The following ERC2 variants were observed in gnomAD, a reference collection of about 807,000 sequenced individuals.
The protein encoded by ERC2 is ERC protein 2.
ERC2 carries 42 observed loss-of-function variants against 114.8 expected under a neutral mutation model. That is an observed-to-expected ratio of 0.37 (90% CI 0.29 to 0.47). The LOEUF is 0.47. Ranked by LOEUF, ERC2 falls within the 20% of genes least tolerant of loss-of-function variation. ERC2 has a pLI of 0.99. For synonymous variants in ERC2, 454 were observed against 425.5 expected (o/e 1.07, Z -0.82); for missense variants, 939 against 1,150.7 (o/e 0.82, Z 2.66).
intron 3 of ERC2, among the ~76,000 whole-genome samples, chr3:56,272,778 C>A (rs998729818): frequency 5.9e-5 from 9 of 152,028 alleles, no homozygotes; most frequent in African/African-American, 1.9e-4. Context: ...TAATAAAAAA[C>A]AAAGAAAGAA....
chr3:55,533,817 T>C (rs530705604), intron 17 of ERC2, among the ~76,000 whole-genome samples: 33 of 152,310 alleles, frequency 2.2e-4, no homozygotes, highest in African/African-American at 7.9e-4. Flanking sequence ...TTTTCTCCCT[T>C]CCAGATGCTG....
At chr3:56,364,589 C>T (rs1315061655) in intron 2 of ERC2, among the ~76,000 whole-genome samples, 1 of 152,204 alleles carries the variant, frequency 6.6e-6, no homozygotes, top group Non-Finnish European at 1.5e-5. Context: ...TAACTGCTAA[C>T]AGAGATTACC....
At chr3:55,997,087 C>G (rs1017373388) in intron 10 of ERC2, among the ~76,000 whole-genome samples, 4 of 152,182 alleles carry the variant, frequency 2.6e-5, no homozygotes, top group Non-Finnish European at 4.4e-5. Flanking sequence ...AGGGAACATT[C>G]AATTATTACA....
intron 1 of ERC2, among the ~76,000 whole-genome samples, chr3:56,454,791 A>G (rs1280454272): frequency 1.4e-5 from 2 of 144,292 alleles, no homozygotes; most frequent in Admixed American, 1.4e-4. Context: ...GCAGAGGTTG[A>G]GAGGTTGCAG....
intron 14 of ERC2, among the ~76,000 whole-genome samples, chr3:55,750,810 C>T (rs1015683174): frequency 2.6e-5 from 4 of 152,322 alleles, no homozygotes; most frequent in Non-Finnish European, 5.9e-5. Flanking sequence ...CCAGTGCTGA[C>T]GTTTTCACGC....
chr3:55,844,174 A>G (rs1027031292), intron 14 of ERC2, among the ~76,000 whole-genome samples: 6 of 152,208 alleles, frequency 3.9e-5, no homozygotes, highest in East Asian at 1.9e-4. Context: ...AAGGTTGAAC[A>G]TATGCATTCT....
chr3:55,975,277 T>A (rs1254501572), intron 12 of ERC2, among the ~76,000 whole-genome samples: 1 of 152,194 alleles, frequency 6.6e-6, no homozygotes, highest in Non-Finnish European at 1.5e-5. Context: ...CTGTTCTTAT[T>A]TCTGCTGCAA....
At chr3:55,738,982 C>T (rs1028186653) in intron 14 of ERC2, among the ~76,000 whole-genome samples, 1 of 152,084 alleles carries the variant, frequency 6.6e-6, no homozygotes. Context: ...CATTGTTCAA[C>T]TCCCACCTAT....
intron 14 of ERC2, among the ~76,000 whole-genome samples, chr3:55,746,512 G>A (rs2066317355): frequency 6.6e-6 from 1 of 152,170 alleles, no homozygotes; most frequent in Non-Finnish European, 1.5e-5. Context: ...AAAGTGCTGA[G>A]ATTACAGGCA....
intron 3 of ERC2, among the ~76,000 whole-genome samples, chr3:56,236,427 G>A (rs764525180): frequency 1.3e-5 from 2 of 152,058 alleles, no homozygotes; most frequent in Non-Finnish European, 2.9e-5. Context: ...CATTTCCCTG[G>A]GACAGCAAGT....
chr3:55,596,514 GGTTACA>G (rs1417277967), intron 17 of ERC2, among the ~76,000 whole-genome samples: 1 of 152,186 alleles, frequency 6.6e-6, no homozygotes, highest in Non-Finnish European at 1.5e-5. Flanking sequence ...AGGAGTTCAA[GGTTACA>G]GCGAGCTGTG....
intron 17 of ERC2, among the ~76,000 whole-genome samples, chr3:55,674,152 A>G (rs2061683202): frequency 6.6e-6 from 1 of 152,148 alleles, no homozygotes; most frequent in Non-Finnish European, 1.5e-5. Context: ...TTATAAACAG[A>G]TGTGAAAAAC....
chr3:56,282,716 C>T (rs1175316002), intron 3 of ERC2, among the ~76,000 whole-genome samples: 1 of 150,310 alleles, frequency 6.7e-6, no homozygotes, highest in Non-Finnish European at 1.5e-5. Context: ...ATGCTATCAA[C>T]AGCATCCCAC....
At chr3:55,547,244 G>A (rs1253275586) in intron 17 of ERC2, among the ~76,000 whole-genome samples, 2 of 152,202 alleles carry the variant, frequency 1.3e-5, no homozygotes, top group Non-Finnish European at 2.9e-5. Flanking sequence ...TGAATCTCCC[G>A]GGGTGAGGAA....
chr3:56,028,311 A>G (rs571163084), intron 7 of ERC2, among the ~76,000 whole-genome samples: 63 of 152,248 alleles, frequency 4.1e-4, no homozygotes, highest in African/African-American at 1.5e-3. Context: ...AGAAATTTAT[A>G]AAAAGTTTGT....
At chr3:55,767,038 A>G (rs2067845943) in intron 14 of ERC2, among the ~76,000 whole-genome samples, 1 of 152,204 alleles carries the variant, frequency 6.6e-6, no homozygotes, top group Middle Eastern at 3.4e-3. Context: ...TTGAGTGCTT[A>G]CTGTGTGCCA....
At chr3:55,825,584 T>A (rs1335067472) in intron 14 of ERC2, among the ~76,000 whole-genome samples, 1 of 152,206 alleles carries the variant, frequency 6.6e-6, no homozygotes, top group Non-Finnish European at 1.5e-5. Flanking sequence ...TGAGATAATA[T>A]CATGGCTGTT....
chr3:55,983,101 G>A (rs543230545), intron 12 of ERC2, among the ~76,000 whole-genome samples: 9 of 152,136 alleles, frequency 5.9e-5, no homozygotes, highest in African/African-American at 9.7e-5. Flanking sequence ...CTCCAAAGAT[G>A]GCTCCCTCTT....
At chr3:56,142,759 C>A (rs2080929965) in intron 5 of ERC2, among the ~76,000 whole-genome samples, 1 of 151,054 alleles carries the variant, frequency 6.6e-6, no homozygotes, top group African/African-American at 2.4e-5. Context: ...TTTATTCTTT[C>A]TACTGGCTGT....
Sources: gnomAD v4.1 joint callset for allele counts (sites outside exome capture counted in the v4.1 genomes callset) on GRCh38, gnomAD v4.1.1 for gene constraint, MANE v1.5 for transcripts, NCBI Gene and HGNC (gene_info 2026-07-23, HGNC 2026-07-21) for gene names.